The following OLFM1 variants were observed in gnomAD, a reference collection of about 807,000 sequenced individuals.
OLFM1 encodes the protein olfactomedin 1.
A neutral mutation model predicts 49.7 loss-of-function variants in OLFM1; 9 were observed. The ratio of observed to expected loss-of-function variants is 0.18; its 90% CI spans 0.11 to 0.32. The LOEUF (loss-of-function observed/expected upper bound fraction) is 0.32, where lower values mean the gene tolerates loss of function less well. Ranked by LOEUF, OLFM1 falls within the 10% of genes least tolerant of loss-of-function variation. The pLI is 1.00. For synonymous variants in OLFM1, 240 were observed against 271.8 expected (o/e 0.88, Z 1.15); for missense variants, 369 against 661.8 (o/e 0.56, Z 4.85).
chr9:135,099,612 A>G (rs1830843952), intron 4 of OLFM1, among the ~76,000 whole-genome samples: 1 of 152,252 alleles, frequency 6.6e-6, no homozygotes. Context: ...AGGTGTCCTC[A>G]GTGAACGCAC....
rs566492854 is a variant in OLFM1 at position 135,109,072 on chromosome 9, C to A, written c.783+2217C>A. Among the ~76,000 whole-genome samples, 8 of 152,286 alleles carry A rather than the reference C, an allele frequency of 5.3e-5. No individual in the cohort carries two copies. In the South Asian group the frequency reaches 1.7e-3, roughly 32 times the overall value. ...TCACCTCCCTGCTGCAGAGGGCAAC[C>A]CCAGGGCTGGACTGCTCTGTCTGTA... On this transcript the variant is annotated intron_variant, in intron 5 of 5. Transcript: ENST00000371793.
At chr9:135,079,225 A>G (rs1830503882) in intron 1 of OLFM1, among the ~76,000 whole-genome samples, 1 of 152,074 alleles carries the variant, frequency 6.6e-6, no homozygotes, top group Non-Finnish European at 1.5e-5. Flanking sequence ...GGAGTTGGGG[A>G]GTGAGTTCTG....
In OLFM1 at chr9:135,106,921, C is replaced by G. The variant is rs866446444; in HGVS notation, c.783+66C>G. Reference sequence around the variant, plus strand: ...GGCGCTCTCGGACACCTGGTGGGCCCCAGACATGGGTACAAGCCACGCCCA... The same window carrying G: ...GGCGCTCTCGGACACCTGGTGGGCCGCAGACATGGGTACAAGCCACGCCCA... On this transcript the variant is annotated intron_variant, in intron 5 of 5. Coordinates refer to ENST00000371793, the MANE Select transcript of OLFM1 (RefSeq NM_001282611.2). 5 of 1,308,124 alleles carry G rather than the reference C, an allele frequency of 3.8e-6. No homozygotes were observed. In the Middle Eastern group the frequency reaches 5.6e-4, roughly 145 times the overall value. The allele number at this position is 1,308,124 out of a possible 1,614,324, so 81.0% of individuals were successfully genotyped here.
In OLFM1 at chr9:135,080,870, C is replaced by T. The variant is rs551780888; in HGVS notation, c.96+5068C>T. Among the ~76,000 whole-genome samples, 9 of 151,974 alleles carry T rather than the reference C, an allele frequency of 5.9e-5. No individual in the cohort carries two copies. The highest frequency in any genetic ancestry group is 1.7e-4 in the African/African-American group (7 of 41,382). ...ACCTCAGCGCTGTCCCGACTGGCAC[C>T]GCAGGGCGACCGAAGGGAGGGGAAG... On this transcript the variant is annotated intron_variant, in intron 1 of 5. Transcript: ENST00000252854. This position sits in a 1 kb window ranked among gnomAD's most constrained non-coding sequence, Gnocchi z 4.5.
At chr9:135,075,520 G>A in exon 1 of OLFM1, 6 of 206,786 alleles carry the variant, frequency 2.9e-5, no homozygotes, top group Non-Finnish European at 5.6e-5. Flanking sequence ...CGCCGGAACC[G>A]GGACGCGATA....
chr9:135,104,847 C>G (rs1449338217), intron 4 of OLFM1, among the ~76,000 whole-genome samples: 2 of 152,232 alleles, frequency 1.3e-5, no homozygotes, highest in South Asian at 2.1e-4. Context: ...AGTGAAGCCG[C>G]CCTGAGCTCC....
chr9:135,118,346 G>T (rs181557995), intron 5 of OLFM1, among the ~76,000 whole-genome samples: 2 of 147,210 alleles, frequency 1.4e-5, no homozygotes, highest in Non-Finnish European at 3.0e-5. Flanking sequence ...TGGAGTGCTC[G>T]CTGGGTCTTT....
intron 2 of OLFM1, among the ~76,000 whole-genome samples, chr9:135,093,521 A>G (rs1830743443): frequency 6.6e-6 from 1 of 152,248 alleles, no homozygotes; most frequent in African/African-American, 2.4e-5. Context: ...TGCCTGGAAC[A>G]TGGGAAAGGA....
In OLFM1 at chr9:135,088,195, C is replaced by A. The variant is rs1020156796; in HGVS notation, c.150+56C>A. 173 of 1,247,354 alleles carry A rather than the reference C, an allele frequency of 1.4e-4. No individual in the cohort carries two copies. The highest frequency in any genetic ancestry group is 1.6e-4 in the Non-Finnish European group (158 of 987,744). The allele number at this position is 1,247,354 out of a possible 1,614,324, so 77.3% of individuals were successfully genotyped here. ...GCTCCTCCTCCTCCTCCTCCTCCCC[C>A]TCCTCGGTCCGGAGCCCCGGGCTGG... On this transcript the variant is annotated intron_variant, in intron 1 of 5. Coordinates refer to ENST00000371793, the MANE Select transcript of OLFM1 (RefSeq NM_001282611.2). This position sits in a 1 kb window ranked among gnomAD's most constrained non-coding sequence, Gnocchi z 4.8.
rs1368844038 is a variant in OLFM1 at position 135,088,658 on chromosome 9, G to A, written c.150+519G>A. 6.6e-6 allele frequency among the ~76,000 whole-genome samples: 1 copy of A among 151,972 alleles called. No homozygotes were observed. Among genetic ancestry groups the A allele is most frequent in the Non-Finnish European group, 1.5e-5 (1 of 67,974 alleles). Reference sequence around the variant, plus strand: ...GTGGGGCCCCAGCCGGTGGGCTCCGGAGCTCCTGCCCGCGCCTGCATTCCC... The same window carrying A: ...GTGGGGCCCCAGCCGGTGGGCTCCGAAGCTCCTGCCCGCGCCTGCATTCCC... On this transcript the variant is annotated intron_variant, in intron 1 of 5. Transcript: ENST00000371793. This position sits in a 1 kb window ranked among gnomAD's most constrained non-coding sequence, Gnocchi z 4.8.
At chr9:135,087,537 A>G, upstream of OLFM1, 2 of 1,277,182 alleles carry the variant, frequency 1.6e-6, no homozygotes, top group Non-Finnish European at 2.1e-6. Flanking sequence ...CCTCGCTGCC[A>G]GCAGCCAGGG....
intron 4 of OLFM1, among the ~76,000 whole-genome samples, chr9:135,103,857 C>A (rs1830902800): frequency 6.6e-6 from 1 of 152,140 alleles, no homozygotes; most frequent in African/African-American, 2.4e-5. Flanking sequence ...TCCGAGGGGG[C>A]ACTGTTGTTA....
intron 5 of OLFM1, among the ~76,000 whole-genome samples, chr9:135,108,632 C>CAA (rs1450765488): frequency 9.6e-5 from 12 of 125,236 alleles, no homozygotes; most frequent in Admixed American, 3.3e-4. Flanking sequence ...GGCTCTGTCT[C>CAA]AAAAAAAAAA....
At chr9:135,076,005 C>T in intron 1 of OLFM1, 2 of 1,438,640 alleles carry the variant, frequency 1.4e-6, no homozygotes, top group South Asian at 1.5e-5. Context: ...CCGGAGACGG[C>T]GCTCCTCCAG....
At chr9:135,096,635 A>T (rs1044519338) in intron 3 of OLFM1, among the ~76,000 whole-genome samples, 2 of 152,222 alleles carry the variant, frequency 1.3e-5, no homozygotes, top group Admixed American at 6.5e-5. Context: ...GCCAAGTCGA[A>T]TATTAGCTGG....
At chr9:135,094,240 A>G (rs1457114589) in intron 2 of OLFM1, among the ~76,000 whole-genome samples, 1 of 152,218 alleles carries the variant, frequency 6.6e-6, no homozygotes, top group Non-Finnish European at 1.5e-5. Flanking sequence ...GATGAGACCC[A>G]GTGTCACTCC....
rs533162643 is a variant in OLFM1 at position 135,119,378 on chromosome 9, C to A, written c.784-126C>A. The A allele has an allele frequency of 3.0e-5, 23 of 776,120 alleles. No homozygotes were observed. The South Asian group carries it at 3.8e-4, about 13-fold the overall frequency. The allele number at this position is 776,120 out of a possible 1,614,324, so 48.1% of individuals were successfully genotyped here. A position where few individuals can be genotyped will look rare whatever the true frequency, so the allele number is the denominator to read the frequency against. ...GCTTTCTGGGTCTTTGGAGTGCTCACTGGGTCTTTGGAGTGCTCAGTGGGT... is the reference window on the plus strand; with the variant it reads ...GCTTTCTGGGTCTTTGGAGTGCTCAATGGGTCTTTGGAGTGCTCAGTGGGT... On this transcript the variant is annotated intron_variant, in intron 5 of 5. Transcript: ENST00000371793.
chr9:135,098,728 A>C lies in OLFM1; in HGVS notation c.676+223A>C, dbSNP rs1015532291. Among the ~76,000 whole-genome samples, 2 of 152,098 alleles carry C rather than the reference A, an allele frequency of 1.3e-5. No homozygotes were observed. Among genetic ancestry groups the C allele is most frequent in the African/African-American group, 4.8e-5 (2 of 41,398 alleles). On this transcript the variant is annotated intron_variant, in intron 4 of 5. Transcript: ENST00000371793. This position sits in a 1 kb window ranked among gnomAD's most constrained non-coding sequence, Gnocchi z 5.6. ...GAGCCGGGTCTTGTGCAGAGGCCAC[A>C]GACCCCGCTGAGTCGCACATCTGGA... is the stretch of plus-strand genomic sequence containing the variant.
At chr9:135,115,331 G>A (rs1488204684) in intron 5 of OLFM1, among the ~76,000 whole-genome samples, 4 of 152,170 alleles carry the variant, frequency 2.6e-5, no homozygotes, top group African/African-American at 7.2e-5. Context: ...AGCCTTACCT[G>A]GCCAGGCCCC....
Sources: allele counts gnomAD v4.1 joint callset (sites outside exome capture counted in the v4.1 genomes callset), GRCh38; gene constraint gnomAD v4.1.1; non-coding constraint Gnocchi (gnomAD v3.1); transcripts MANE v1.5; gene names NCBI Gene and HGNC (gene_info 2026-07-23, HGNC 2026-07-21).